The following ANKRD30A variants were observed in gnomAD, a reference collection of about 807,000 sequenced individuals.
ANKRD30A encodes the protein ankyrin repeat domain 30A, also known as ankyrin repeat domain-containing protein 30A.
ANKRD30A carries 170 observed loss-of-function variants against 166.3 expected under a neutral mutation model. That is an observed-to-expected ratio of 1.02 (90% CI 0.90 to 1.16). ANKRD30A has a LOEUF of 1.16. ANKRD30A is among the 50% of genes most tolerant of loss of function. The pLI, the probability that ANKRD30A is intolerant of heterozygous loss-of-function variation, is 0.00. For synonymous variants in ANKRD30A, 564 were observed against 508.9 expected, an observed-to-expected ratio of 1.11 and a Z score of -1.46; for missense variants, 1,630 against 1,518.0, an observed-to-expected ratio of 1.07 and a Z score of -1.23.
the ANKRD30A span, among the ~76,000 whole-genome samples, chr10:37,254,649 C>A: frequency 6.7e-6 from 1 of 148,296 alleles, no homozygotes; most frequent in Non-Finnish European, 1.5e-5. Context: ...ATTTTCTCCA[C>A]TTTTCTGGTT....
chr10:37,208,279 G>C (rs1842097778), intron 31 of ANKRD30A, among the ~76,000 whole-genome samples: 1 of 152,124 alleles, frequency 6.6e-6, no homozygotes, highest in Non-Finnish European at 1.5e-5. Context: ...CATCAAGCCA[G>C]TTTTGTCAGT....
intron 18 of ANKRD30A, 45 bp downstream of exon 18, chr10:37,165,200 A>G (rs777983199): frequency 8.6e-6 from 13 of 1,518,088 alleles, no homozygotes; most frequent in Admixed American, 1.7e-5. Context: ...ATTGCATGAT[A>G]TGAAAACATA....
chr10:37,227,415 T>C (rs1159570994), intron 34 of ANKRD30A, among the ~76,000 whole-genome samples: 1 of 151,970 alleles, frequency 6.6e-6, no homozygotes, highest in Admixed American at 6.6e-5. Context: ...GTCATTTTGT[T>C]ATCCTTGCTG....
chr10:37,194,346 T>G (rs1017867299), intron 27 of ANKRD30A, among the ~76,000 whole-genome samples: 2 of 152,054 alleles, frequency 1.3e-5, no homozygotes, highest in African/African-American at 4.8e-5. Flanking sequence ...TTCTTCAGTT[T>G]TTTTGTTTTG....
At chr10:37,160,348 A>G (rs1262234407) in intron 15 of ANKRD30A, among the ~76,000 whole-genome samples, 1 of 152,218 alleles carries the variant, frequency 6.6e-6, no homozygotes, top group African/African-American at 2.4e-5. Flanking sequence ...CATGAAAATT[A>G]TGACATTGTG....
chr10:37,144,177 A>T (rs1837348379), intron 7 of ANKRD30A, among the ~76,000 whole-genome samples: 1 of 152,182 alleles, frequency 6.6e-6, no homozygotes, highest in South Asian at 2.1e-4. Flanking sequence ...AATTTGAGTG[A>T]ATTCACTTCA....
intron 9 of ANKRD30A, among the ~76,000 whole-genome samples, 174 bp from the exon 10 acceptor site, chr10:37,149,476 CA>C: frequency 6.6e-6 from 1 of 152,118 alleles, no homozygotes; most frequent in East Asian, 1.9e-4. Context: ...ATATTTTCTT[CA>C]GTGTATTCCT....
At position 37,219,610 on chromosome 10, in the gene ANKRD30A, C is replaced by T; in HGVS notation, c.3898C>T (p.His1300Tyr). Residue 1300 changes from histidine (H) to tyrosine (Y), a missense_variant, in exon 34 of 36, where the codon CAC (histidine) becomes TAC (tyrosine). His to Tyr is a moderately conservative substitution (Grantham distance 83, BLOSUM62 2). This residue lies in a region of ANKRD30A where 712 missense variants were observed against 629.3 expected (regional missense o/e 1.13). Coordinates refer to ENST00000361713, the MANE Select transcript of ANKRD30A (RefSeq NM_052997.3). The stretch of plus-strand genomic sequence containing the variant: ...ACAGTGTCAAATGAAGGAAGCTGAA[C>T]ACATGTATCAAAACGAACAAGATAA... The part of the protein sequence containing the change: ...ETQCQMKEAE[H>Y]MYQNEQDNVN... 1 of 1,610,172 alleles carries T rather than the reference C, an allele frequency of 6.2e-7. No individual in the cohort carries two copies. The highest frequency in any genetic ancestry group is 8.5e-7 in the Non-Finnish European group (1 of 1,177,616).
intron 34 of ANKRD30A, among the ~76,000 whole-genome samples, chr10:37,224,197 A>G (rs1013792617): frequency 4.0e-5 from 6 of 151,084 alleles, no homozygotes; most frequent in Admixed American, 1.3e-4. Flanking sequence ...TCTACTTTGA[A>G]TTTTTATTTC....
rs1021492417 is a variant in ANKRD30A, at chr10:37,193,444, T to G, written c.2614+186T>G. 3.9e-5 allele frequency among the ~76,000 whole-genome samples: 6 copies of G among 152,046 alleles called. No individual in the cohort carries two copies. In the East Asian group the frequency reaches 1.2e-3, roughly 29 times the overall value. On this transcript the variant is annotated intron_variant, in intron 27 of 35. Transcript: ENST00000361713. ...ATTTATAAGCCTAAGATTTAGAGAT[T>G]TAGAAAAAAAATTCTGCTTTACCTC...
intron 5 of ANKRD30A, among the ~76,000 whole-genome samples, chr10:37,135,074 T>G (rs1296665333): frequency 1.3e-5 from 2 of 152,210 alleles, no homozygotes; most frequent in African/African-American, 4.8e-5. Flanking sequence ...AAATCTCCCA[T>G]GCTACTTGCA....
intron 7 of ANKRD30A, among the ~76,000 whole-genome samples, chr10:37,144,774 A>T (rs1437046919): frequency 1.3e-5 from 2 of 152,136 alleles, no homozygotes; most frequent in Non-Finnish European, 2.9e-5. Flanking sequence ...TCAAATTTTT[A>T]ATTTTTTTGC....
At chr10:37,140,228 A>C (rs2132528879) in intron 6 of ANKRD30A, among the ~76,000 whole-genome samples, 1 of 152,336 alleles carries the variant, frequency 6.6e-6, no homozygotes, top group South Asian at 2.1e-4. Context: ...AAGGAAAAGA[A>C]AAATCTGTCT....
intron 6 of ANKRD30A, among the ~76,000 whole-genome samples, chr10:37,137,129 A>T (rs1174449282): frequency 6.6e-6 from 1 of 151,964 alleles, no homozygotes; most frequent in Non-Finnish European, 1.5e-5. Flanking sequence ...AATTTAATGA[A>T]TTAATATATT....
In ANKRD30A at chr10:37,219,844, A is replaced by C. The variant is rs1842802291; in HGVS notation, c.4132A>C (p.Asn1378His). Residue 1378 changes from asparagine to histidine, a missense_variant, in exon 34 of 36, where the codon AAC (asparagine) becomes CAC (histidine). Asn to His is a moderately conservative substitution (Grantham distance 68, BLOSUM62 1). Coordinates refer to ENST00000361713, the MANE Select transcript of ANKRD30A (RefSeq NM_052997.3). ...EKNEEIFNYNNHLKNRIYQYE... is the reference protein window; with the variant it reads ...EKNEEIFNYNHHLKNRIYQYE... ...AAATGAGGAGATATTTAATTACAAT[A>C]ACCATTTAAAAAACCGTATATATCA... is the stretch of plus-strand genomic sequence containing the variant. 6.3e-7 allele frequency: 1 copy of C among 1,584,570 alleles called. No individual in the cohort carries two copies. Among genetic ancestry groups the C allele is most frequent in the Non-Finnish European group, 8.6e-7 (1 of 1,164,450 alleles).
intron 27 of ANKRD30A, among the ~76,000 whole-genome samples, chr10:37,197,052 C>T (rs1283863762): frequency 1.3e-5 from 2 of 152,150 alleles, no homozygotes; most frequent in Non-Finnish European, 2.9e-5. Flanking sequence ...AACACAATCT[C>T]GCTCTTGAAG....
chr10:37,219,116 A>G lies in ANKRD30A; in HGVS notation c.3404A>G (p.Asp1135Gly), dbSNP rs779578642. ...YQEKENKYFE[D>G]IKILKEKNAE... ...GAAAAGGAAAATAAATACTTTGAGG[A>G]CATTAAGATTTTAAAAGAAAAGAAT... is the stretch of plus-strand genomic sequence containing the variant. The change falls in exon 34 of 36, where the codon GAC becomes GGC. Residue 1135 changes from aspartate to glycine, a missense_variant. Physicochemically the swap from Asp to Gly is moderately conservative, Grantham distance 94. Transcript: ENST00000361713. 3 of 1,609,850 alleles carry G rather than the reference A, an allele frequency of 1.9e-6. No homozygotes were observed. The highest frequency in any genetic ancestry group is 2.5e-6 in the Non-Finnish European group (3 of 1,177,120).
chr10:37,200,282 G>T (rs1254768386), intron 30 of ANKRD30A, among the ~76,000 whole-genome samples: 1 of 152,010 alleles, frequency 6.6e-6, no homozygotes, highest in Non-Finnish European at 1.5e-5. Flanking sequence ...GAACATTTCA[G>T]CAGAAAGAAA....
the ANKRD30A span, among the ~76,000 whole-genome samples, chr10:37,258,387 A>G: frequency 5.3e-5 from 8 of 152,202 alleles, no homozygotes; most frequent in Admixed American, 5.2e-4. Context: ...AGATGTTTCA[A>G]TCTTTATTAC....
Sources: allele counts gnomAD v4.1 joint callset (sites outside exome capture counted in the v4.1 genomes callset), GRCh38; gene constraint gnomAD v4.1.1; regional missense constraint gnomAD v4.1.1; transcripts MANE v1.5; gene names NCBI Gene and HGNC (gene_info 2026-07-23, HGNC 2026-07-21).